The following JAG1 variants were observed in gnomAD, a reference collection of about 807,000 sequenced individuals.
JAG1 encodes jagged canonical Notch ligand 1.
A neutral mutation model predicts 148.7 loss-of-function variants in JAG1; 23 were observed. The ratio of observed to expected loss-of-function variants is 0.15; its 90% CI spans 0.11 to 0.22. JAG1 has a LOEUF of 0.22. Among genes scored for constraint, JAG1 ranks in the 10% least tolerant of loss-of-function variants. JAG1 has a pLI of 1.00. For missense variants in JAG1, 1,054 were observed against 1,611.2 expected (o/e 0.65, Z 5.92); for synonymous variants, 572 against 598.3 (o/e 0.96, Z 0.64).
intron 3 of JAG1, among the ~76,000 whole-genome samples, chr20:10,661,813 G>A (rs1414830483): frequency 1.3e-5 from 2 of 152,246 alleles, no homozygotes; most frequent in African/African-American, 2.4e-5. Context: ...TGGTGACTTG[G>A]ACCAGGGCAG....
chr20:10,662,269 C>G (rs1159579304), intron 3 of JAG1: 1 of 152,110 alleles, frequency 6.6e-6, no homozygotes, highest in African/African-American at 2.4e-5. Flanking sequence ...CCTAGAACCC[C>G]AAAATCGGGC....
Position 10,673,484 on chromosome 20 carries a change from A to T in JAG1, c.47T>A (p.Leu16His). ...CAGGGCACAGAGCAGGGCGAGCAGG[A>T]GGCTTAGGGGGCGCCCGGACCGGCC... ...TRGRSGRPLS[L>H]LLALLCALRA... The change falls in exon 1 of 26, where the codon CTC (leucine) becomes CAC (histidine). Residue 16 changes from leucine (L) to histidine (H), a missense_variant. By Grantham distance (99) the Leu-to-His change is moderately conservative. Transcript: ENST00000254958. The surrounding 1 kb of genome is among the most constrained non-coding windows in gnomAD (Gnocchi z 4.7). 1 of 1,318,722 alleles carries T rather than the reference A, an allele frequency of 7.6e-7. No individual in the cohort carries two copies. Among genetic ancestry groups the T allele is most frequent in the Non-Finnish European group, 9.7e-7 (1 of 1,028,238 alleles). The allele number at this position is 1,318,722 out of a possible 1,614,324, so 81.7% of individuals were successfully genotyped here. A position where few individuals can be genotyped will look rare whatever the true frequency, so the allele number is the denominator to read the frequency against.
chr20:10,644,848 G>T lies in JAG1; in HGVS notation c.2344+15C>A, dbSNP rs200139177. On this transcript the variant is annotated intron_variant, in intron 18 of 25. Coordinates refer to ENST00000254958, the MANE Select transcript of JAG1 (RefSeq NM_000214.3). ...CCGACAGCCCTGGGAGAGTTCAAGG[G>T]GGGAGGACACTCACTCTGAGCACAG... 32 of 1,576,516 alleles carry T rather than the reference G, an allele frequency of 2.0e-5. 1 individual carries two copies. The South Asian group carries it at 2.5e-4, about 13-fold the overall frequency.
Position 10,642,596 on chromosome 20 carries a change from T to C in JAG1, c.2464A>G (p.Asn822Asp). Residue 822 changes from asparagine to aspartate, a missense_variant, in exon 21 of 26, where the codon AAT (asparagine) becomes GAT (aspartate). Around this residue, in one of 6 missense-constraint regions of JAG1, gnomAD observed 342 missense variants for 514.6 expected, o/e 0.66. Transcript: ENST00000254958. ...FAGPDCRINI[N>D]ECQSSPCAFG... The stretch of plus-strand genomic sequence containing the variant: ...GCACAAGGTGAAGACTGGCATTCAT[T>C]GATGTCTAGGAGAAATGGAGTTCAA... 1 of 1,601,160 alleles carries C rather than the reference T, an allele frequency of 6.2e-7. No individual in the cohort carries two copies. The highest frequency in any genetic ancestry group is 8.6e-7 in the Non-Finnish European group (1 of 1,168,232).
At chr20:10,660,746 C>T (rs1227102074) in intron 3 of JAG1, among the ~76,000 whole-genome samples, 1 of 152,202 alleles carries the variant, frequency 6.6e-6, no homozygotes, top group African/African-American at 2.4e-5. Context: ...CTGCCTGCTT[C>T]CTGATCACGC....
Position 10,644,338 on chromosome 20 carries a change from A to T in JAG1, c.2372+19T>A. 6.3e-7 allele frequency: 1 copy of T among 1,593,548 alleles called. No individual in the cohort carries two copies. Among genetic ancestry groups the T allele is most frequent in the South Asian group, 1.1e-5 (1 of 90,428 alleles). ...CACGATAGTGGATGAGTGCTGGCTT[A>T]AAAGGATGTCACACTTACCAGGGAT... On this transcript the variant is annotated intron_variant, in intron 19 of 25. Transcript: ENST00000254958.
chr20:10,651,569 A>T lies in JAG1; in HGVS notation c.1120+12T>A. 1 of 1,575,144 alleles carries T rather than the reference A, an allele frequency of 6.3e-7. No individual in the cohort carries two copies. On this transcript the variant is annotated intron_variant, in intron 8 of 25. Transcript: ENST00000254958. ...ATCCTTAGAATGGACACAGGCTGAA[A>T]ATTGGACTTACTTGTAGAGCATGTG...
rs762053652 is a variant in JAG1, at chr20:10,645,004, C to CA, written c.2228-26dup. 13 of 1,584,282 alleles carry CA rather than the reference C, an allele frequency of 8.2e-6. 1 individual carries two copies. The Admixed American group carries it at 2.2e-4, about 26-fold the overall frequency. On this transcript the variant is annotated intron_variant, in intron 17 of 25. Coordinates refer to ENST00000254958, the MANE Select transcript of JAG1 (RefSeq NM_000214.3). This position sits in a 1 kb window ranked among gnomAD's most constrained non-coding sequence, Gnocchi z 6.1. ...GCTATAAAAGAAGAGCAGACACGACCACCCTCCCTGAGTATCCAGAAACAG... is the reference window on the plus strand; with the variant it reads ...GCTATAAAAGAAGAGCAGACACGACCAACCCTCCCTGAGTATCCAGAAACAG...
chr20:10,669,998 A>G (rs1383173957), intron 2 of JAG1, among the ~76,000 whole-genome samples: 1 of 152,192 alleles, frequency 6.6e-6, no homozygotes, highest in African/African-American at 2.4e-5. Context: ...CAGCAACAGT[A>G]TGAGAATTAG....
At chr20:10,668,102 A>AAAAC (rs1211093803) in intron 2 of JAG1, among the ~76,000 whole-genome samples, 5 of 151,300 alleles carry the variant, frequency 3.3e-5, no homozygotes, top group African/African-American at 1.2e-4. Flanking sequence ...TAAAAAAAAA[A>AAAAC]AAAAAAAAAA....
intron 21 of JAG1, 41 bp from the exon 22 acceptor site, chr20:10,641,933 A>G: frequency 7.5e-7 from 1 of 1,336,410 alleles, no homozygotes; most frequent in Non-Finnish European, 1.1e-6. Flanking sequence ...TTTTCTGTGA[A>G]CCGGATCGGG....
intron 14 of JAG1, 63 bp from the exon 15 acceptor site, chr20:10,646,147 T>C: frequency 8.5e-7 from 1 of 1,182,754 alleles, no homozygotes; most frequent in Non-Finnish European, 1.3e-6. Context: ...ACAAGCACTG[T>C]TCAGCAGTTT....
chr20:10,673,332 G>C lies in JAG1; in HGVS notation c.81+118C>G, dbSNP rs1351386213. The stretch of plus-strand genomic sequence containing the variant: ...GCCCAGGTGCAGCCGCTCGGGCGCA[G>C]GGGCGAGGAGTCGGGCGCTCGAGGG... On this transcript the variant is annotated intron_variant, in intron 1 of 25. Coordinates refer to ENST00000254958, the MANE Select transcript of JAG1 (RefSeq NM_000214.3). The surrounding 1 kb of genome is among the most constrained non-coding windows in gnomAD (Gnocchi z 4.7). 1 of 795,676 alleles carries C rather than the reference G, an allele frequency of 1.3e-6. No homozygotes were observed. Among genetic ancestry groups the C allele is most frequent in the Non-Finnish European group, 2.0e-6 (1 of 510,600 alleles). The allele number at this position is 795,676 out of a possible 1,614,324, so 49.3% of individuals were successfully genotyped here.
intron 2 of JAG1, among the ~76,000 whole-genome samples, chr20:10,668,101 A>AAAAAC (rs1460881583): frequency 6.6e-6 from 1 of 151,208 alleles, no homozygotes; most frequent in East Asian, 1.9e-4. Context: ...ATAAAAAAAA[A>AAAAAC]AAAAAAAAAA....
At chr20:10,667,353 C>T (rs1041095684) in intron 2 of JAG1, among the ~76,000 whole-genome samples, 6 of 152,170 alleles carry the variant, frequency 3.9e-5, no homozygotes, top group African/African-American at 9.7e-5. Flanking sequence ...TGCTTCCTGT[C>T]GCTTGTCCTG....
rs1346183181 is a variant in JAG1 at position 10,639,712 on chromosome 20, T to G, written c.3443A>C (p.Lys1148Thr). Reference sequence around the variant, plus strand: ...TACTTCAGAATTGTGTGTCCTTATTTTAGACATTTTGGAGTTCTTGTTCTC... The same window carrying G: ...TACTTCAGAATTGTGTGTCCTTATTGTAGACATTTTGGAGTTCTTGTTCTC... ...DYENKNSKMS[K>T]IRTHNSEVEE... Residue 1148 changes from lysine (K) to threonine (T), a missense_variant, in exon 26 of 26, where the codon AAA becomes ACA. Lys to Thr is a moderately conservative substitution (Grantham distance 78, BLOSUM62 -1). This residue lies in a region of JAG1 where 177 missense variants were observed against 177.3 expected (regional missense o/e 1.00). Transcript: ENST00000254958. 1 of 1,614,084 alleles carries G rather than the reference T, an allele frequency of 6.2e-7. No individual in the cohort carries two copies. The highest frequency in any genetic ancestry group is 8.5e-7 in the Non-Finnish European group (1 of 1,180,036).
At chr20:10,664,339 A>G (rs1403036586) in intron 2 of JAG1, among the ~76,000 whole-genome samples, 4 of 149,752 alleles carry the variant, frequency 2.7e-5, no homozygotes, top group African/African-American at 9.9e-5. Flanking sequence ...TAGTTTCCCA[A>G]AACTTTCCAG....
intron 13 of JAG1, among the ~76,000 whole-genome samples, chr20:10,647,664 C>T (rs986682942): frequency 2.6e-5 from 4 of 152,210 alleles, no homozygotes; most frequent in Non-Finnish European, 5.9e-5. Context: ...GTTCTGTTGA[C>T]AGTGTTGTTC....
In JAG1 at chr20:10,638,524, CAA is replaced by C. The variant is rs754512600; in HGVS notation, c.*972_*973del. 2 of 152,498 alleles carry C rather than the reference CAA, an allele frequency of 1.3e-5. No individual in the cohort carries two copies. Among genetic ancestry groups the C allele is most frequent in the African/African-American group, 4.8e-5 (2 of 41,396 alleles). The allele number at this position is 152,498 out of a possible 1,614,324, so 9.4% of individuals were successfully genotyped here. A position where few individuals can be genotyped will look rare whatever the true frequency, so the allele number is the denominator to read the frequency against. On this transcript the variant is annotated 3_prime_UTR_variant, in exon 26 of 26. Coordinates refer to ENST00000254958, the MANE Select transcript of JAG1 (RefSeq NM_000214.3). ...TCTTTTCAAGTCTAAAGCAGAAAAA[CAA>C]AAAACAAACAAACAAAAAAACCTGT...
Sources: gnomAD v4.1 joint callset for allele counts (sites outside exome capture counted in the v4.1 genomes callset) on GRCh38, gnomAD v4.1.1 for gene constraint, gnomAD v4.1.1 regional missense constraint, Gnocchi (gnomAD v3.1) non-coding constraint, MANE v1.5 for transcripts, NCBI Gene and HGNC (gene_info 2026-07-23, HGNC 2026-07-21) for gene names.